PAPOLG: variants seen among roughly 807,000 people sequenced by gnomAD.
PAPOLG encodes the protein poly(A) polymerase gamma.
Under a neutral mutation model 99.0 loss-of-function variants are expected in PAPOLG, and 40 were observed. The ratio of observed to expected loss-of-function variants is 0.40; its 90% CI spans 0.31 to 0.53. The LOEUF is 0.53. PAPOLG is among the 20% of genes least tolerant of loss of function. The pLI is 0.41. For missense variants in PAPOLG, 675 were observed against 884.1 expected, an observed-to-expected ratio of 0.76 and a Z score of 3.00; for synonymous variants, 310 against 299.3, an observed-to-expected ratio of 1.04 and a Z score of -0.37.
In PAPOLG at chr2:60,797,148, C is replaced by T. The variant is rs1558726474; in HGVS notation, c.2199C>T (p.Thr733=). 6.2e-7 allele frequency: 1 copy of T among 1,614,024 alleles called. No homozygotes were observed. The change falls in exon 22 of 22, where the codon ACC becomes ACT. Residue 733 remains threonine (T), a synonymous_variant. Coordinates refer to ENST00000238714, the MANE Select transcript of PAPOLG (RefSeq NM_022894.4). ...TCATCAAAAATTCCATTCGACTGACCCTTAATCGGTAAAAGCAGTGCCTCC... is the reference window on the plus strand; with the variant it reads ...TCATCAAAAATTCCATTCGACTGACTCTTAATCGGTAAAAGCAGTGCCTCC... ...IRVIKNSIRL[T]LNR is the part of the protein sequence containing the mutation.
intron 3 of PAPOLG, among the ~76,000 whole-genome samples, chr2:60,767,782 T>C (rs1409780729): frequency 6.6e-6 from 1 of 152,206 alleles, no homozygotes; most frequent in Non-Finnish European, 1.5e-5. Context: ...AAGAGTGTTA[T>C]GTTTTAGAGA....
chr2:60,770,072 A>G (rs1389784622), intron 5 of PAPOLG, among the ~76,000 whole-genome samples: 4 of 152,148 alleles, frequency 2.6e-5, no homozygotes, highest in Non-Finnish European at 5.9e-5. Context: ...AGTTTCATCC[A>G]TGTCCCTGCA....
rs1053505112 is a variant in PAPOLG, at chr2:60,800,869, A to G, written c.*3709A>G. The G allele has an allele frequency of 6.6e-6, 1 of 152,318 alleles. No homozygotes were observed. Among genetic ancestry groups the G allele is most frequent in the Non-Finnish European group, 1.5e-5 (1 of 68,034 alleles). 9.4% of individuals were successfully genotyped at this position (152,318 alleles called of 1,614,324 possible). ...TTTCTACTTTTGATTTTGCTGTGGT[A>G]TATTTCTGAAAATGTGCTGTGGCTC... On this transcript the variant is annotated 3_prime_UTR_variant, in exon 22 of 22. Coordinates refer to ENST00000238714, the MANE Select transcript of PAPOLG (RefSeq NM_022894.4).
At chr2:60,784,425 G>A (rs1463534690) in intron 13 of PAPOLG, among the ~76,000 whole-genome samples, 1 of 152,196 alleles carries the variant, frequency 6.6e-6, no homozygotes, top group African/African-American at 2.4e-5. Flanking sequence ...GAAGTAGTGT[G>A]TTCTTTCTAG....
chr2:60,788,422 A>G (rs1671432438), intron 15 of PAPOLG, among the ~76,000 whole-genome samples: 1 of 152,148 alleles, frequency 6.6e-6, no homozygotes, highest in Admixed American at 6.5e-5. Flanking sequence ...CTGGGGTTCA[A>G]GTGATTCTCA....
Position 60,787,545 on chromosome 2 carries a change from A to C in PAPOLG, c.1321A>C (p.Ile441Leu). 1.9e-6 allele frequency: 3 copies of C among 1,614,054 alleles called. No homozygotes were observed. Among genetic ancestry groups the C allele is most frequent in the Non-Finnish European group, 2.5e-6 (3 of 1,179,996 alleles). The stretch of plus-strand genomic sequence containing the variant: ...CGTATCAATGTGGTTCCTTGGGATA[A>C]TTTTTCGGAGAGTAGAAAATGCAGA... ...NYVSMWFLGI[I>L]FRRVENAESV... The change falls in exon 15 of 22, where the codon ATT becomes CTT. Residue 441 changes from isoleucine (I) to leucine (L), a missense_variant. Transcript: ENST00000238714.
At chr2:60,787,115 G>T (rs373419183) in intron 14 of PAPOLG, 49 bp downstream of exon 14, 7 of 1,417,650 alleles carry the variant, frequency 4.9e-6, no homozygotes, top group South Asian at 1.3e-5. Context: ...ATGTTATTTG[G>T]TATATGCATC....
At position 60,799,386 on chromosome 2, in the gene PAPOLG, G is replaced by A. The variant is rs185340317; in HGVS notation, c.*2226G>A. On this transcript the variant is annotated 3_prime_UTR_variant, in exon 22 of 22. Transcript: ENST00000238714. ...GTCAACATTAGAGTCCTCAAAGATAGCATTCTTCAACCTGTTTGGTAACTG... is the reference window on the plus strand; with the variant it reads ...GTCAACATTAGAGTCCTCAAAGATAACATTCTTCAACCTGTTTGGTAACTG... 2.6e-5 allele frequency: 4 copies of A among 152,470 alleles called. No individual in the cohort carries two copies. Among genetic ancestry groups the A allele is most frequent in the African/African-American group, 9.6e-5 (4 of 41,570 alleles). 9.4% of individuals were successfully genotyped at this position (152,470 alleles called of 1,614,324 possible).
At chr2:60,771,275 AT>A (rs199870926) in intron 6 of PAPOLG, among the ~76,000 whole-genome samples, 1 of 151,392 alleles carries the variant, frequency 6.6e-6, no homozygotes, top group African/African-American at 2.4e-5. Context: ...TAAGGCTTTG[AT>A]TTTTTTTTCT....
chr2:60,793,877 C>G, intron 18 of PAPOLG, 94 bp from the exon 19 acceptor site: 1 of 1,445,610 alleles, frequency 6.9e-7, no homozygotes, highest in East Asian at 2.5e-5. Flanking sequence ...AGCCACTGCA[C>G]TGCAGCCTGG....
rs1671815192 is a variant in PAPOLG at position 60,800,325 on chromosome 2, A to T, written c.*3165A>T. ...CTCAGCCTCCCAAGTAGCTGGAATT[A>T]CAGGCCTGTGCCATGCCCAGCTAAT... On this transcript the variant is annotated 3_prime_UTR_variant, in exon 22 of 22. Coordinates refer to ENST00000238714, the MANE Select transcript of PAPOLG (RefSeq NM_022894.4). 6.6e-6 allele frequency: 1 copy of T among 152,300 alleles called. No individual in the cohort carries two copies. The highest frequency in any genetic ancestry group is 1.5e-5 in the Non-Finnish European group (1 of 68,150). The allele number at this position is 152,300 out of a possible 1,614,324, so 9.4% of individuals were successfully genotyped here.
Position 60,794,773 on chromosome 2 carries a change from G to A in PAPOLG, c.2053G>A (p.Val685Met), listed in dbSNP as rs147986723. 14 of 1,603,254 alleles carry A rather than the reference G, an allele frequency of 8.7e-6. No homozygotes were observed. The highest frequency in any genetic ancestry group is 1.1e-5 in the Non-Finnish European group (13 of 1,170,540). The change falls in exon 20 of 22, where the codon GTG (valine) becomes ATG (methionine). Residue 685 changes from valine (V) to methionine (M), a missense_variant and splice_region_variant. Physicochemically the swap from Val to Met is conservative, Grantham distance 21. Transcript: ENST00000238714. ...TGCTGAAGAAAGAAAAAGAAAATCA[G>A]TGGTAAATATATTAATAGTGTGCTT... is the stretch of plus-strand genomic sequence containing the variant. ...RTAEERKRKS[V>M]DAIGGESMPI...
In PAPOLG at chr2:60,782,678, T is replaced by TTTTTTA. The variant is rs67779326; in HGVS notation, c.1028-8_1028-7insTTTTTA. On this transcript the variant is annotated splice_polypyrimidine_tract_variant and splice_region_variant and intron_variant, in intron 11 of 21. Transcript: ENST00000238714. Reference sequence around the variant, plus strand: ...CTTTTTTTTTTTTTTTTTTTTTTTTTAATTTAGGTCTTGCAGTCACAGATG... The same window carrying TTTTTTA: ...CTTTTTTTTTTTTTTTTTTTTTTTTTTTTTTAAATTTAGGTCTTGCAGTCACAGATG... 2.5e-5 allele frequency: 35 copies of TTTTTTA among 1,386,276 alleles called. No individual in the cohort carries two copies. The highest frequency in any genetic ancestry group is 2.4e-4 in the Middle Eastern group (1 of 4,092). 85.9% of individuals were successfully genotyped at this position (1,386,276 alleles called of 1,614,324 possible). A position where few individuals can be genotyped will look rare whatever the true frequency, so the allele number is the denominator to read the frequency against.
intron 13 of PAPOLG, 111 bp downstream of exon 13, chr2:60,783,320 ATC>A: frequency 2.9e-6 from 1 of 339,894 alleles, no homozygotes; most frequent in South Asian, 1.1e-4. Flanking sequence ...AAATTATTAT[ATC>A]TCTTTTTTTT....
At chr2:60,769,048 C>CA (rs1670768984) in intron 5 of PAPOLG, among the ~76,000 whole-genome samples, 158 bp downstream of exon 5, 1 of 152,128 alleles carries the variant, frequency 6.6e-6, no homozygotes, top group African/African-American at 2.4e-5. Flanking sequence ...TGATTAAGAA[C>CA]ATGGGCCTTA....
intron 5 of PAPOLG, 52 bp downstream of exon 5, chr2:60,768,942 C>G (rs1213697464): frequency 7.6e-7 from 1 of 1,322,894 alleles, no homozygotes; most frequent in Non-Finnish European, 1.0e-6. Flanking sequence ...TAACAAATAT[C>G]TATAAAAACT....
At chr2:60,772,022 G>T (rs1267843540) in intron 7 of PAPOLG, among the ~76,000 whole-genome samples, 3 of 151,036 alleles carry the variant, frequency 2.0e-5, no homozygotes, top group African/African-American at 7.3e-5. Context: ...ACTTTTGTGT[G>T]TGAAGAATGG....
intron 15 of PAPOLG, 39 bp from the exon 16 acceptor site, chr2:60,791,722 G>A (rs990468391): frequency 5.7e-6 from 9 of 1,566,876 alleles, no homozygotes; most frequent in Non-Finnish European, 7.7e-6. Flanking sequence ...CCTTGGTTCA[G>A]AAAGAAGTTT....
intron 3 of PAPOLG, among the ~76,000 whole-genome samples, chr2:60,768,124 C>CA (rs1334875366): frequency 2.0e-5 from 3 of 152,004 alleles, no homozygotes; most frequent in South Asian, 4.1e-4. Context: ...TTTTTTGAGA[C>CA]AGAGTTTCAC....
Sources: gnomAD v4.1 joint callset for allele counts (sites outside exome capture counted in the v4.1 genomes callset) on GRCh38, gnomAD v4.1.1 for gene constraint, MANE v1.5 for transcripts, NCBI Gene and HGNC (gene_info 2026-07-23, HGNC 2026-07-21) for gene names.